PIK3CA: variants seen among roughly 807,000 people sequenced by gnomAD.
PIK3CA encodes phosphatidylinositol 4,5-bisphosphate 3-kinase catalytic subunit alpha isoform.
In PIK3CA, 27 loss-of-function variants were observed where a neutral mutation model predicts 138.2. That is an observed-to-expected ratio of 0.20 (90% CI 0.14 to 0.27). The LOEUF is 0.27. Among genes scored for constraint, PIK3CA ranks in the 10% least tolerant of loss-of-function variants. PIK3CA has a pLI of 1.00. For missense variants in PIK3CA, 544 were observed against 1,277.4 expected (o/e 0.43, Z 8.75); for synonymous variants, 358 against 413.2 (o/e 0.87, Z 1.62).
At chr3:179,159,905 A>G (rs1164365438) in intron 1 of PIK3CA, among the ~76,000 whole-genome samples, 5 of 152,196 alleles carry the variant, frequency 3.3e-5, no homozygotes, top group Admixed American at 2.0e-4. Flanking sequence ...TGGTATTTGT[A>G]TATATAAATA....
intron 7 of PIK3CA, 152 bp from the exon 8 acceptor site, chr3:179,210,034 G>C: frequency 1.8e-6 from 1 of 555,330 alleles, no homozygotes; most frequent in South Asian, 2.9e-5. Context: ...AAAAAGGAAA[G>C]AATGGGCTTA....
At chr3:179,152,663 T>A (rs961744048) in intron 1 of PIK3CA, among the ~76,000 whole-genome samples, 5 of 152,194 alleles carry the variant, frequency 3.3e-5, no homozygotes, top group Non-Finnish European at 5.9e-5. Context: ...CCTTAGGAAG[T>A]GTTAGATCTC....
At position 179,219,567 on chromosome 3, in the gene PIK3CA, A is replaced by G. The variant is rs900745416; in HGVS notation, c.1747-4A>G. On this transcript the variant is annotated splice_polypyrimidine_tract_variant and splice_region_variant and intron_variant, in intron 11 of 20. Transcript: ENST00000263967. The surrounding 1 kb of genome is among the most constrained non-coding windows in gnomAD (Gnocchi z 4.2). The stretch of plus-strand genomic sequence containing the variant: ...ATATGATTTATTGTCTTTCTCATAC[A>G]CAGATGTATTGCTTGGTAAAAGATT... 7.4e-7 allele frequency: 1 copy of G among 1,350,036 alleles called. No individual in the cohort carries two copies. Among genetic ancestry groups the G allele is most frequent in the Non-Finnish European group, 1.1e-6 (1 of 945,214 alleles). The allele number at this position is 1,350,036 out of a possible 1,614,324, so 83.6% of individuals were successfully genotyped here.
At chr3:179,171,568 A>G (rs1723559893) in intron 1 of PIK3CA, among the ~76,000 whole-genome samples, 1 of 152,108 alleles carries the variant, frequency 6.6e-6, no homozygotes, top group South Asian at 2.1e-4. Context: ...GTATTACTAC[A>G]GATACTATAA....
intron 1 of PIK3CA, among the ~76,000 whole-genome samples, chr3:179,155,250 G>C (rs1271658604): frequency 6.6e-6 from 1 of 152,186 alleles, no homozygotes; most frequent in Non-Finnish European, 1.5e-5. Flanking sequence ...TGTATCCTCA[G>C]CACATACTGT....
chr3:179,173,065 T>C (rs1220675151), intron 1 of PIK3CA, among the ~76,000 whole-genome samples: 2 of 152,162 alleles, frequency 1.3e-5, no homozygotes, highest in Non-Finnish European at 2.9e-5. Context: ...GTATATCCTA[T>C]AGATCTTTTT....
In PIK3CA at chr3:179,219,745, T is replaced by C; in HGVS notation, c.1911+10T>C. ...AATTCAGCTAGTACAGGTAAAATAA[T>C]GTAAAATAGTAAATAATGTTTAATT... is the stretch of plus-strand genomic sequence containing the variant. On this transcript the variant is annotated intron_variant, in intron 12 of 20. Coordinates refer to ENST00000263967, the MANE Select transcript of PIK3CA (RefSeq NM_006218.4). The surrounding 1 kb of genome is among the most constrained non-coding windows in gnomAD (Gnocchi z 4.2). The C allele has an allele frequency of 1.3e-6, 2 of 1,484,160 alleles. No homozygotes were observed. Among genetic ancestry groups the C allele is most frequent in the South Asian group, 2.4e-5 (2 of 83,870 alleles). The allele number at this position is 1,484,160 out of a possible 1,614,324, so 91.9% of individuals were successfully genotyped here.
intron 1 of PIK3CA, among the ~76,000 whole-genome samples, chr3:179,149,909 A>G (rs941201182): frequency 3.3e-5 from 5 of 152,218 alleles, no homozygotes; most frequent in African/African-American, 1.2e-4. Flanking sequence ...TACTCAAAAT[A>G]CCGTGTTGCT....
intron 1 of PIK3CA, among the ~76,000 whole-genome samples, chr3:179,187,242 A>G (rs923240511): frequency 2.6e-5 from 4 of 152,020 alleles, no homozygotes; most frequent in Admixed American, 6.6e-5. Context: ...GATCCAGTAG[A>G]TAAGAGAAAG....
rs199559193 is a variant in PIK3CA, at chr3:179,230,397, A to G, written c.2936+21A>G. The G allele has an allele frequency of 4.5e-6, 7 of 1,565,852 alleles. No homozygotes were observed. The South Asian group carries it at 8.3e-5, about 19-fold the overall frequency. ...GAGAGGTGAGCTCGAGCAATTAAAA[A>G]CACAAAATAAAGAGTTCTGGCTGCT... On this transcript the variant is annotated intron_variant, in intron 20 of 20. Coordinates refer to ENST00000263967, the MANE Select transcript of PIK3CA (RefSeq NM_006218.4). The surrounding 1 kb of genome is among the most constrained non-coding windows in gnomAD (Gnocchi z 5.4).
intron 18 of PIK3CA, 102 bp downstream of exon 18, chr3:179,229,544 G>A: frequency 2.6e-6 from 2 of 765,228 alleles, no homozygotes; most frequent in Non-Finnish European, 3.9e-6. Context: ...GAAAACAATT[G>A]TACTTTCTAT....
chr3:179,150,678 G>C (rs1444702435), intron 1 of PIK3CA, among the ~76,000 whole-genome samples: 1 of 152,118 alleles, frequency 6.6e-6, no homozygotes, highest in Non-Finnish European at 1.5e-5. Context: ...CAGCCTTTCT[G>C]GTGGCAGAGC....
At chr3:179,225,715 G>A (rs146722195) in intron 16 of PIK3CA, among the ~76,000 whole-genome samples, 2 of 151,946 alleles carry the variant, frequency 1.3e-5, no homozygotes, top group East Asian at 3.9e-4. Flanking sequence ...GACCAGCCTG[G>A]GCAACTTAGC....
chr3:179,174,606 C>T (rs1337637555), intron 1 of PIK3CA, among the ~76,000 whole-genome samples: 1 of 152,156 alleles, frequency 6.6e-6, no homozygotes, highest in Non-Finnish European at 1.5e-5. Context: ...GTATTTGCCA[C>T]CTTATAATAA....
intron 7 of PIK3CA, 70 bp from the exon 8 acceptor site, chr3:179,210,116 T>C: frequency 8.2e-7 from 1 of 1,223,650 alleles, no homozygotes; most frequent in Non-Finnish European, 1.1e-6. Flanking sequence ...ATTTTCCTTT[T>C]GGGGAAGAAA....
chr3:179,199,232 T>A, intron 2 of PIK3CA, 55 bp downstream of exon 2: 6 of 1,156,338 alleles, frequency 5.2e-6, no homozygotes. Context: ...TTAACTGTTG[T>A]CCCTTTCTAA....
Position 179,205,082 on chromosome 3 carries a change from T to C in PIK3CA, c.1145+494T>C, listed in dbSNP as rs116930103. On this transcript the variant is annotated intron_variant, in intron 6 of 20. Transcript: ENST00000263967. Reference sequence around the variant, plus strand: ...TTAGCTAGGCACAGTGGCATGTGCCTGTAGTCCCAGCCATTAGGGAGGCTG... The same window carrying C: ...TTAGCTAGGCACAGTGGCATGTGCCCGTAGTCCCAGCCATTAGGGAGGCTG... 6.6e-3 allele frequency among the ~76,000 whole-genome samples: 962 copies of C among 145,534 alleles called. 15 individuals carry two copies. The highest frequency in any genetic ancestry group is 0.035 in the Admixed American group (516 of 14,546).
Position 179,237,939 on chromosome 3 carries a change from T to C in PIK3CA, c.*3575T>C. On this transcript the variant is annotated 3_prime_UTR_variant, in exon 21 of 21. Transcript: ENST00000263967. ...AGTCCACCTTAAGAAATTATTTTGA[T>C]GTCCAAGACATCACTAAAATATTTA... 1 of 212,594 alleles carries C rather than the reference T, an allele frequency of 4.7e-6. No homozygotes were observed. Among genetic ancestry groups the C allele is most frequent in the Non-Finnish European group, 9.5e-6 (1 of 104,914 alleles). 13.2% of individuals were successfully genotyped at this position (212,594 alleles called of 1,614,324 possible). A position where few individuals can be genotyped will look rare whatever the true frequency, so the allele number is the denominator to read the frequency against.
chr3:179,207,579 C>T (rs1339703624), intron 6 of PIK3CA, among the ~76,000 whole-genome samples: 1 of 148,364 alleles, frequency 6.7e-6, no homozygotes, highest in Admixed American at 6.8e-5. Flanking sequence ...CGGAGTCTTG[C>T]TCTGTCGCCC....
Sources: allele counts gnomAD v4.1 joint callset (sites outside exome capture counted in the v4.1 genomes callset), GRCh38; gene constraint gnomAD v4.1.1; non-coding constraint Gnocchi (gnomAD v3.1); transcripts MANE v1.5; gene names NCBI Gene and HGNC (gene_info 2026-07-23, HGNC 2026-07-21).